HYCC1: variants seen among roughly 807,000 people sequenced by gnomAD.
HYCC1 encodes hyccin.
At chr7:22,918,105 T>C in the HYCC1 span, among the ~76,000 whole-genome samples, 1 of 152,146 alleles carries the variant, frequency 6.6e-6, no homozygotes, top group Non-Finnish European at 1.5e-5. Context: ...TAGCCTGGTA[T>C]ATGACAATAT....
At chr7:22,983,967 C>T in the HYCC1 span, 1 of 1,601,824 alleles carries the variant, frequency 6.2e-7, no homozygotes, top group Admixed American at 1.7e-5. Context: ...TCCTGGATAA[C>T]TTTATAGAGA....
chr7:22,957,702 T>C, the HYCC1 span, among the ~76,000 whole-genome samples: 1 of 151,890 alleles, frequency 6.6e-6, no homozygotes. Context: ...AGGGTTGGTG[T>C]GGTGAGGGAA....
At chr7:22,906,780 G>C in the HYCC1 span, among the ~76,000 whole-genome samples, 1 of 152,052 alleles carries the variant, frequency 6.6e-6, no homozygotes, top group Non-Finnish European at 1.5e-5. Flanking sequence ...TACGCATGCA[G>C]ACTTAAAGAC....
At chr7:22,948,360 A>G in the HYCC1 span, among the ~76,000 whole-genome samples, 1 of 152,118 alleles carries the variant, frequency 6.6e-6, no homozygotes, top group East Asian at 1.9e-4. Flanking sequence ...TAGTAAAAGA[A>G]CAAAGGCCAG....
the HYCC1 span, chr7:23,014,033 CT>C: frequency 3.0e-5 from 14 of 471,030 alleles, no homozygotes; most frequent in South Asian, 2.0e-4. Flanking sequence ...ACCTGCTCCC[CT>C]TCTTCCTAGC....
the HYCC1 span, among the ~76,000 whole-genome samples, chr7:22,974,276 T>C: frequency 6.6e-6 from 1 of 152,188 alleles, no homozygotes; most frequent in African/African-American, 2.4e-5. Context: ...TTTTTGATAT[T>C]AAAATAGTCT....
At chr7:22,970,498 A>G in the HYCC1 span, among the ~76,000 whole-genome samples, 89 of 152,286 alleles carry the variant, frequency 5.8e-4, no homozygotes, top group African/African-American at 2.0e-3. Flanking sequence ...TTGACAGTCT[A>G]TATCAAAAGA....
the HYCC1 span, among the ~76,000 whole-genome samples, chr7:22,905,386 ATTTTTTTT>A: frequency 1.6e-4 from 7 of 44,470 alleles, no homozygotes; most frequent in Admixed American, 1.1e-3. Flanking sequence ...CTAATTTTGT[ATTTTTTTT>A]TTTTTTTTTT....
the HYCC1 span, chr7:22,978,044 T>C: frequency 1.7e-6 from 1 of 597,504 alleles, no homozygotes; most frequent in East Asian, 2.8e-5. Flanking sequence ...AGAAATGAAA[T>C]GGTCTGATTT....
the HYCC1 span, among the ~76,000 whole-genome samples, chr7:23,003,030 T>G: frequency 1.3e-5 from 2 of 152,118 alleles, no homozygotes; most frequent in African/African-American, 4.8e-5. Flanking sequence ...TTAGGACCCA[T>G]CCTAATTACC....
At chr7:22,909,836 C>T in the HYCC1 span, among the ~76,000 whole-genome samples, 378 of 152,224 alleles carry the variant, frequency 2.5e-3, 6 homozygotes, top group East Asian at 0.015. Flanking sequence ...TTCTTTCAGA[C>T]GAAATTAGTC....
At chr7:22,898,313 A>G in the HYCC1 span, among the ~76,000 whole-genome samples, 5 of 151,950 alleles carry the variant, frequency 3.3e-5, no homozygotes, top group Non-Finnish European at 5.9e-5. Flanking sequence ...TCCTGGGTTC[A>G]AGCGATTCTG....
chr7:23,003,159 T>C, the HYCC1 span, among the ~76,000 whole-genome samples: 127 of 152,298 alleles, frequency 8.3e-4, no homozygotes, highest in Middle Eastern at 6.8e-3. Context: ...CAGCCCATAA[T>C]ACCACTAAAG....
At chr7:22,946,088 G>A in the HYCC1 span, 145 of 1,612,950 alleles carry the variant, frequency 9.0e-5, 1 homozygote, top group East Asian at 3.2e-3. Flanking sequence ...GGTACTAGAC[G>A]CAGCCCTGGA....
chr7:22,940,005 G>A, the HYCC1 span: 1 of 152,160 alleles, frequency 6.6e-6, no homozygotes, highest in Non-Finnish European at 1.5e-5. Flanking sequence ...CGGGTTGTAG[G>A]AGGTGAGTCA....
At chr7:22,992,400 T>G in the HYCC1 span, among the ~76,000 whole-genome samples, 1 of 152,100 alleles carries the variant, frequency 6.6e-6, no homozygotes, top group Non-Finnish European at 1.5e-5. Flanking sequence ...ACCACATATA[T>G]GTACTGTATT....
At chr7:22,988,921 C>T in the HYCC1 span, among the ~76,000 whole-genome samples, 1 of 152,110 alleles carries the variant, frequency 6.6e-6, no homozygotes, top group African/African-American at 2.4e-5. Flanking sequence ...TGCTGTTAAC[C>T]GCTGCTCTGC....
At chr7:22,933,725 TTC>T in the HYCC1 span, among the ~76,000 whole-genome samples, 10 of 152,344 alleles carry the variant, frequency 6.6e-5, no homozygotes, top group Non-Finnish European at 1.2e-4. Flanking sequence ...TTAAAATAGA[TTC>T]TGATTCTCAT....
the HYCC1 span, among the ~76,000 whole-genome samples, chr7:22,990,738 G>A: frequency 2.6e-5 from 4 of 152,048 alleles, no homozygotes; most frequent in Non-Finnish European, 2.9e-5. Flanking sequence ...CCTCCAAACT[G>A]GAAGAAACAT....
Sources: gnomAD v4.1 joint callset for allele counts (sites outside exome capture counted in the v4.1 genomes callset) on GRCh38, gnomAD v4.1.1 for gene constraint, MANE v1.5 for transcripts, NCBI Gene and HGNC (gene_info 2026-07-23, HGNC 2026-07-21) for gene names.